Variants in PATL2 observed in about 807,000 individuals in gnomAD.
PATL2 encodes the protein protein PAT1 homolog 2.
A neutral mutation model predicts 77.0 loss-of-function variants in PATL2; 73 were observed. That is an observed-to-expected ratio of 0.95 (90% CI 0.78 to 1.15). The LOEUF is 1.15. Ranked by LOEUF, PATL2 falls within the 50% of genes most tolerant of loss-of-function variation. The pLI, the probability that PATL2 is intolerant of heterozygous loss-of-function variation, is 0.00. For synonymous variants in PATL2, 265 were observed against 257.1 expected, an observed-to-expected ratio of 1.03 and a Z score of -0.29; for missense variants, 618 against 655.4, an observed-to-expected ratio of 0.94 and a Z score of 0.62.
At chr15:44,706,701 G>A (rs781514781) in intron 3 of PATL2, among the ~76,000 whole-genome samples, 1 of 152,234 alleles carries the variant, frequency 6.6e-6, no homozygotes, top group Non-Finnish European at 1.5e-5. Context: ...AGGGTCAGAC[G>A]TGAAGCCAGC....
At chr15:44,706,589 C>T (rs915567279) in intron 3 of PATL2, among the ~76,000 whole-genome samples, 1 of 152,220 alleles carries the variant, frequency 6.6e-6, no homozygotes, top group Non-Finnish European at 1.5e-5. Flanking sequence ...TTATTGTCTT[C>T]CCTTATTTTC....
At chr15:44,700,801 G>A (rs2086612143) in intron 3 of PATL2, among the ~76,000 whole-genome samples, 1 of 152,054 alleles carries the variant, frequency 6.6e-6, no homozygotes, top group African/African-American at 2.4e-5. Context: ...TTCCAGTACT[G>A]TTTTGAATAA....
At chr15:44,691,098 CT>C (rs1279561942) in intron 3 of PATL2, among the ~76,000 whole-genome samples, 2 of 151,650 alleles carry the variant, frequency 1.3e-5, no homozygotes, top group South Asian at 2.1e-4. Context: ...TATAAAACTA[CT>C]TTTTTTAACT....
rs1302682353 is a variant in PATL2, at chr15:44,689,285, T to C, written c.-75-12720A>G. Among the ~76,000 whole-genome samples the C allele has an allele frequency of 3.9e-5, 6 of 152,316 alleles. No individual in the cohort carries two copies. In the East Asian group the frequency reaches 1.2e-3, roughly 29 times the overall value. On this transcript the variant is annotated intron_variant, in intron 3 of 17. Coordinates refer to ENST00000682850, the MANE Select transcript of PATL2 (RefSeq NM_001387263.1). ...GTGGAAGTGTAAATTAGTTCAACCA[T>C]TGTGGAAGACAGTGTGGTGATTCCT...
intron 3 of PATL2, chr15:44,676,890 G>A (rs994157773): frequency 9.4e-7 from 1 of 1,064,352 alleles, no homozygotes; most frequent in African/African-American, 1.7e-5. Context: ...TGTCCTTTCT[G>A]TTTAAGTTAT....
chr15:44,700,968 T>C (rs548008923), intron 3 of PATL2, among the ~76,000 whole-genome samples: 3 of 152,340 alleles, frequency 2.0e-5, no homozygotes, highest in East Asian at 3.9e-4. Context: ...GGGGGGGTTT[T>C]ATCATGAAGG....
At chr15:44,673,118 A>G (rs936395895) in intron 7 of PATL2, 117 bp downstream of exon 7, 1 of 1,304,814 alleles carries the variant, frequency 7.7e-7, no homozygotes, top group African/African-American at 1.5e-5. Flanking sequence ...ATTAGACTAT[A>G]CCTCAGACTT....
In PATL2 at chr15:44,673,380, G is replaced by A; in HGVS notation, c.304-3C>T. ...ATGGGCGACAGGTAGTCCAAGGTCT[G>A]AGAGAGGAATTAAGAGGTCTGGGAG... On this transcript the variant is annotated splice_region_variant and splice_polypyrimidine_tract_variant and intron_variant, in intron 6 of 17. Transcript: ENST00000682850. 6.4e-7 allele frequency: 1 copy of A among 1,551,628 alleles called. No homozygotes were observed. The highest frequency in any genetic ancestry group is 1.2e-5 in the South Asian group (1 of 84,066).
chr15:44,676,740 C>T, intron 3 of PATL2, 175 bp from the exon 4 acceptor site: 2 of 1,262,084 alleles, frequency 1.6e-6, no homozygotes, highest in Admixed American at 3.2e-5. Flanking sequence ...CCCAGCTCGG[C>T]TCTAGGGAGC....
rs190933513 is a variant in PATL2 at position 44,669,058 on chromosome 15, G to C, written c.1146C>G (p.Pro382=). The change falls in exon 14 of 18, where the codon CCC becomes CCG. Residue 382 remains proline, a synonymous_variant. Transcript: ENST00000682850. Reference sequence around the variant, plus strand: ...AAAGAATGGTAACAGCCTGATCCTGGGGCAGGAAGGGGAGCAGCCGGGCCA... The same window carrying C: ...AAAGAATGGTAACAGCCTGATCCTGCGGCAGGAAGGGGAGCAGCCGGGCCA... ...ALVARLLPFL[P]QDQAVTILLA... 2.3e-4 allele frequency: 356 copies of C among 1,551,320 alleles called. 1 individual carries two copies. In the African/African-American group the frequency reaches 4.6e-3, roughly 20 times the overall value.
Position 44,705,106 on chromosome 15 carries a change from G to A in PATL2, c.-76+4990C>T, listed in dbSNP as rs543249223. ...TATTGATATCTTTCCCTAGGTTTGG[G>A]AAGGTCTTTGTTACTATCACTTTGA... On this transcript the variant is annotated intron_variant, in intron 3 of 17. Transcript: ENST00000682850. 3.9e-5 allele frequency among the ~76,000 whole-genome samples: 6 copies of A among 152,238 alleles called. No individual in the cohort carries two copies. In the South Asian group the frequency reaches 1.2e-3, roughly 32 times the overall value.
chr15:44,701,230 T>C (rs2086622546), intron 3 of PATL2, among the ~76,000 whole-genome samples: 1 of 152,050 alleles, frequency 6.6e-6, no homozygotes, highest in African/African-American at 2.4e-5. Flanking sequence ...TGCTGAGGAT[T>C]TTTGCATCAG....
intron 3 of PATL2, among the ~76,000 whole-genome samples, chr15:44,684,606 C>G (rs1406873063): frequency 2.0e-5 from 3 of 151,702 alleles, no homozygotes; most frequent in Admixed American, 2.0e-4. Context: ...TGGAAAAGAC[C>G]AAATCTACAT....
rs148648185 is a variant in PATL2 at position 44,693,803 on chromosome 15, G to A, written c.-76+16293C>T. Among the ~76,000 whole-genome samples the A allele has an allele frequency of 2.4e-3, 361 of 151,842 alleles. 2 individuals are homozygous for A. The highest frequency in any genetic ancestry group is 8.2e-3 in the African/African-American group (339 of 41,390). ...GGCTCACTTCAATCGCACTTCAAGC[G>A]GTTTTCCTGCCTCAGCCTCCCAATT... On this transcript the variant is annotated intron_variant, in intron 3 of 17. Transcript: ENST00000682850.
chr15:44,690,380 C>G (rs1168608368), intron 3 of PATL2, among the ~76,000 whole-genome samples: 1 of 151,388 alleles, frequency 6.6e-6, no homozygotes, highest in Non-Finnish European at 1.5e-5. Context: ...ACTGTGTTGC[C>G]AAGGCTGGAG....
chr15:44,674,227 C>A lies in PATL2; in HGVS notation c.226G>T (p.Ala76Ser). The A allele has an allele frequency of 1.3e-6, 2 of 1,545,572 alleles. No homozygotes were observed. Among genetic ancestry groups the A allele is most frequent in the Non-Finnish European group, 1.8e-6 (2 of 1,141,732 alleles). Residue 76 changes from alanine (A) to serine (S), a missense_variant, in exon 6 of 18, where the codon GCT becomes TCT. Physicochemically the swap from Ala to Ser is moderately conservative, Grantham distance 99. Coordinates refer to ENST00000682850, the MANE Select transcript of PATL2 (RefSeq NM_001387263.1). ...TTGACTCCAGGGGAGCTAAGCAGAG[C>A]TCTCTGGAACAGGAGGGAGGAAAAA... ...VLGAVHNTQRALLSSPGVKAP... is the reference protein window; with the variant it reads ...VLGAVHNTQRSLLSSPGVKAP...
chr15:44,698,232 C>T (rs1336863636), intron 3 of PATL2, among the ~76,000 whole-genome samples: 1 of 151,790 alleles, frequency 6.6e-6, no homozygotes, highest in East Asian at 1.9e-4. Flanking sequence ...AGCATTTATC[C>T]TTTCTTTGTG....
At chr15:44,682,981 T>G (rs1044373432) in intron 3 of PATL2, among the ~76,000 whole-genome samples, 1 of 152,066 alleles carries the variant, frequency 6.6e-6, no homozygotes, top group African/African-American at 2.4e-5. Flanking sequence ...ACCCGGGAAG[T>G]GCAAGGGGTT....
At chr15:44,668,715 C>T (rs957376073) in intron 14 of PATL2, among the ~76,000 whole-genome samples, 4 of 152,156 alleles carry the variant, frequency 2.6e-5, no homozygotes, top group Non-Finnish European at 1.5e-5. Context: ...TTTATCAGGG[C>T]GTCCTAATCT....
Sources: gnomAD v4.1 joint callset for allele counts (sites outside exome capture counted in the v4.1 genomes callset) on GRCh38, gnomAD v4.1.1 for gene constraint, MANE v1.5 for transcripts, NCBI Gene and HGNC (gene_info 2026-07-23, HGNC 2026-07-21) for gene names.